ZNF185: variants seen among roughly 807,000 people sequenced by gnomAD.
ZNF185 encodes zinc finger protein 185.
In ZNF185, 56 loss-of-function variants were observed where a neutral mutation model predicts 58.6. The observed-to-expected ratio is 0.95, with a 90% CI of 0.77 to 1.19. The LOEUF (loss-of-function observed/expected upper bound fraction) is 1.19, where lower values mean the gene tolerates loss of function less well. Ranked by LOEUF, ZNF185 falls within the 50% of genes most tolerant of loss-of-function variation. The probability of loss-of-function intolerance (pLI) is 0.00; values close to 1 mark genes in which losing one functional copy is unlikely to be tolerated. For missense variants in ZNF185, 627 were observed against 573.5 expected, an observed-to-expected ratio of 1.09 and a Z score of -0.95; for synonymous variants, 230 against 215.9, an observed-to-expected ratio of 1.07 and a Z score of -0.57.
chrX:152,929,955 T>C (rs1226784547), intron 12 of ZNF185, among the ~76,000 whole-genome samples: 3 of 112,477 alleles, frequency 2.7e-5, no homozygotes, highest in Non-Finnish European at 3.8e-5. Flanking sequence ...ATGTCCTGTC[T>C]TCTGGGTCAT....
upstream of ZNF185, among the ~76,000 whole-genome samples, chrX:152,914,001 C>T (rs1336054037): frequency 1.8e-5 from 2 of 111,089 alleles, no homozygotes; most frequent in Non-Finnish European, 3.8e-5. Context: ...GCTGGTCCCC[C>T]AGCCCGTCCC....
intron 13 of ZNF185, 126 bp downstream of exon 14, chrX:152,931,902 TCCCACTGTTCC>T (rs56694630): frequency 0.4 from 187,365 of 470,633 alleles, 27,330 homozygotes; most frequent in East Asian, 0.53. Context: ...AAGGTCCTGT[TCCCACTGTTCC>T]CCCAGTACCT....
chrX:152,916,709 C>G (rs1938554693), intron 3 of ZNF185, among the ~76,000 whole-genome samples: 3 of 112,719 alleles, frequency 2.7e-5, no homozygotes, highest in African/African-American at 9.7e-5. Context: ...AGGTCAGACC[C>G]CGGGCTGAGG....
exon 23 of ZNF185, chrX:152,972,888 T>A (rs1280389990): frequency 8.9e-6 from 1 of 112,127 alleles, no homozygotes; most frequent in Admixed American, 9.4e-5. Context: ...CTTGATTTAA[T>A]TATAAAATGT....
chrX:152,913,627 C>T (rs926917929), upstream of ZNF185, among the ~76,000 whole-genome samples: 3 of 112,535 alleles, frequency 2.7e-5, no homozygotes, highest in Non-Finnish European at 5.6e-5. Flanking sequence ...CTCGCCTGTT[C>T]CCTGAGGGCC....
intron 12 of ZNF185, among the ~76,000 whole-genome samples, chrX:152,930,028 A>G (rs187956023): frequency 1.8e-5 from 2 of 112,712 alleles, no homozygotes; most frequent in East Asian, 5.6e-4. Flanking sequence ...GCATGGCAGC[A>G]TCCATTCTGC....
Position 152,932,625 on chromosome X carries a change from C to A in ZNF185, c.1023-248C>A, listed in dbSNP as rs181671148. 1.7e-4 allele frequency among the ~76,000 whole-genome samples: 19 copies of A among 112,038 alleles called. No homozygotes were observed. The East Asian group carries it at 4.5e-3, about 26-fold the overall frequency. ...CTTGCTCTGTTGGCAATCAGCTCCCCCCACCACCAACGAACTAACCTCCTC... is the reference window on the plus strand; with the variant it reads ...CTTGCTCTGTTGGCAATCAGCTCCCACCACCACCAACGAACTAACCTCCTC... On this transcript the variant is annotated intron_variant, in intron 13 of 22. Transcript: ENST00000449285.
intron 19 of ZNF185, among the ~76,000 whole-genome samples, chrX:152,966,139 C>A (rs1443244687): frequency 9.1e-6 from 1 of 110,338 alleles, no homozygotes; most frequent in Admixed American, 9.6e-5. Context: ...TCCCTAGTAG[C>A]TGGGATTACA....
chrX:152,966,859 G>A (rs1275772301), intron 19 of ZNF185, among the ~76,000 whole-genome samples: 2 of 110,846 alleles, frequency 1.8e-5, no homozygotes, highest in Non-Finnish European at 3.8e-5. Flanking sequence ...TCTGCTGAGT[G>A]GGCTCCTGGT....
At chrX:152,903,192 C>G in the ZNF185 span, among the ~76,000 whole-genome samples, 4 of 108,867 alleles carry the variant, frequency 3.7e-5, no homozygotes, top group Admixed American at 3.0e-4. Context: ...AGTTCGAGAC[C>G]AGCCTGGCCA....
intron 15 of ZNF185, among the ~76,000 whole-genome samples, chrX:152,943,803 A>G (rs1381662174): frequency 1.8e-5 from 2 of 112,612 alleles, no homozygotes; most frequent in Non-Finnish European, 3.8e-5. Flanking sequence ...ACAGGACGGG[A>G]CTCTGATTAA....
chrX:152,939,187 G>A (rs2046838568), intron 15 of ZNF185, among the ~76,000 whole-genome samples: 1 of 112,283 alleles, frequency 8.9e-6, no homozygotes, highest in Non-Finnish European at 1.9e-5. Context: ...CCACATTGCT[G>A]TTGCTTTTTT....
At position 152,937,244 on chromosome X, in the gene ZNF185, TAGC is replaced by T. The variant is rs1556882712; in HGVS notation, c.1122-827_1122-825del. ...GGGAGCTGGAAGAACACTCGAGAGATAGCAGGTAAATGAGACATGGCTTTACTC... is the reference window on the plus strand; with the variant it reads ...GGGAGCTGGAAGAACACTCGAGAGATAGGTAAATGAGACATGGCTTTACTC... On this transcript the variant is annotated intron_variant, in intron 14 of 22. Transcript: ENST00000449285. Among the ~76,000 whole-genome samples the T allele has an allele frequency of 2.7e-5, 3 of 111,818 alleles. No homozygotes were observed. In the South Asian group the frequency reaches 1.1e-3, roughly 41 times the overall value.
Position 152,938,170 on chromosome X carries a change from C to G in ZNF185, c.1211+7C>G. ...CAAAGGCAGACCCAAAGGGGTAAGG[C>G]ATGAGCAGACAGTGCTGAACTTCTG... is the stretch of plus-strand genomic sequence containing the variant. On this transcript the variant is annotated splice_region_variant and intron_variant, in intron 15 of 22. Coordinates refer to ENST00000449285, the Ensembl canonical transcript of ZNF185. 1 of 1,173,838 alleles carries G rather than the reference C, an allele frequency of 8.5e-7. No homozygotes were observed. The highest frequency in any genetic ancestry group is 1.1e-6 in the Non-Finnish European group (1 of 875,139).
At chrX:152,929,655 C>T (rs1007761355) in intron 12 of ZNF185, among the ~76,000 whole-genome samples, 5 of 112,416 alleles carry the variant, frequency 4.4e-5, no homozygotes, top group Non-Finnish European at 9.4e-5. Flanking sequence ...ATTGCTCTGC[C>T]CCTGGCCCAG....
chrX:152,964,022 T>G, intron 18 of ZNF185, 73 bp downstream of exon 20: 1 of 1,029,207 alleles, frequency 9.7e-7, no homozygotes. Context: ...GGACTTGGCT[T>G]TTGTTCCATG....
rs140241408 is a variant in ZNF185, at chrX:152,942,159, G to A, written c.1212-3108G>A. Among the ~76,000 whole-genome samples the A allele has an allele frequency of 8.3e-3, 933 of 112,529 alleles. 10 individuals carry two copies. Among genetic ancestry groups the A allele is most frequent in the African/African-American group, 0.027 (849 of 31,000 alleles). The stretch of plus-strand genomic sequence containing the variant: ...GATGAGGGAGCGCCATGGGGGTGGC[G>A]TCATCCTGACATCCCGCAGGGCAGT... On this transcript the variant is annotated intron_variant, in intron 15 of 22. Coordinates refer to ENST00000449285, the Ensembl canonical transcript of ZNF185.
At chrX:152,915,731 T>G (rs1281743335) in intron 3 of ZNF185, among the ~76,000 whole-genome samples, 1 of 112,399 alleles carries the variant, frequency 8.9e-6, no homozygotes, top group Non-Finnish European at 1.9e-5. Context: ...GAGAACTGGC[T>G]TCTCTCTCTT....
intron 11 of ZNF185, among the ~76,000 whole-genome samples, chrX:152,923,829 G>C (rs782605256): frequency 8.9e-6 from 1 of 112,084 alleles, no homozygotes; most frequent in African/African-American, 3.2e-5. Flanking sequence ...ATTCCCAGCA[G>C]ACCACAGACT....
Sources: allele counts gnomAD v4.1 joint callset (sites outside exome capture counted in the v4.1 genomes callset), GRCh38; gene constraint gnomAD v4.1.1; transcripts MANE v1.5; gene names NCBI Gene and HGNC (gene_info 2026-07-23, HGNC 2026-07-21).